The following EYS variants were observed in gnomAD, a reference collection of about 807,000 sequenced individuals.
EYS encodes the protein protein eyes shut homolog.
Under a neutral mutation model 282.1 loss-of-function variants are expected in EYS, and 250 were observed. The ratio of observed to expected loss-of-function variants is 0.89; its 90% CI spans 0.80 to 0.98. EYS has a LOEUF of 0.98. Ranked by LOEUF, EYS falls within the 50% of genes least tolerant of loss-of-function variation. EYS has a pLI of 0.00. For missense variants in EYS, 4,016 were observed against 3,709.0 expected (o/e 1.08, Z -2.15); for synonymous variants, 1,355 against 1,282.9 (o/e 1.06, Z -1.20).
At chr6:63,936,559 C>T (rs2149754797) in intron 35 of EYS, among the ~76,000 whole-genome samples, 1 of 152,294 alleles carries the variant, frequency 6.6e-6, no homozygotes, top group South Asian at 2.1e-4. Flanking sequence ...AGGCAATGTC[C>T]AGGCATGACC....
intron 31 of EYS, among the ~76,000 whole-genome samples, chr6:64,084,370 T>C (rs764172057): frequency 6.6e-6 from 1 of 152,168 alleles, no homozygotes; most frequent in Non-Finnish European, 1.5e-5. Context: ...CCCAAGGCTA[T>C]TGCAATAAGG....
rs940158314 is a variant in EYS at position 65,270,223 on chromosome 6, G to A, written c.2023+25640C>T. Among the ~76,000 whole-genome samples the A allele has an allele frequency of 3.9e-5, 6 of 152,144 alleles. No individual in the cohort carries two copies. In the East Asian group the frequency reaches 9.7e-4, roughly 24 times the overall value. On this transcript the variant is annotated intron_variant, in intron 12 of 42. Transcript: ENST00000503581. ...GGGAGAAATAGGAAAGAAGGAAGGG[G>A]TGATGGGTCTCAAGCAAGTTCAAAA... is the stretch of plus-strand genomic sequence containing the variant.
intron 26 of EYS, among the ~76,000 whole-genome samples, chr6:64,447,551 A>G (rs1167671025): frequency 1.3e-5 from 2 of 152,134 alleles, no homozygotes; most frequent in Non-Finnish European, 2.9e-5. Context: ...ATAGGTTCCC[A>G]CAAATTCATT....
intron 40 of EYS, among the ~76,000 whole-genome samples, chr6:63,768,691 G>A (rs894126059): frequency 2.0e-5 from 3 of 151,220 alleles, no homozygotes; most frequent in Admixed American, 6.6e-5. Context: ...AACTTAGAAC[G>A]ACCATTCAAC....
At chr6:64,833,743 A>C (rs1467535324) in intron 19 of EYS, among the ~76,000 whole-genome samples, 1 of 151,916 alleles carries the variant, frequency 6.6e-6, no homozygotes, top group Non-Finnish European at 1.5e-5. Flanking sequence ...ATATTTCCAC[A>C]TAAGGAAAGT....
chr6:64,536,281 C>G (rs1764516543), intron 26 of EYS, among the ~76,000 whole-genome samples: 1 of 152,010 alleles, frequency 6.6e-6, no homozygotes, highest in South Asian at 2.1e-4. Context: ...AGGGAAAAAA[C>G]AAGTAAAACA....
chr6:65,010,338 T>C (rs1771825879), intron 13 of EYS, among the ~76,000 whole-genome samples: 1 of 152,224 alleles, frequency 6.6e-6, no homozygotes, highest in Non-Finnish European at 1.5e-5. Flanking sequence ...AATGGCATAC[T>C]AACTGCTAAA....
intron 12 of EYS, among the ~76,000 whole-genome samples, chr6:65,091,317 G>A (rs1774556584): frequency 6.7e-6 from 1 of 150,012 alleles, no homozygotes. Context: ...GGACATGGTG[G>A]TAGGCACCTG....
chr6:65,223,404 A>G (rs1399066854), intron 12 of EYS, among the ~76,000 whole-genome samples: 1 of 152,056 alleles, frequency 6.6e-6, no homozygotes, highest in Non-Finnish European at 1.5e-5. Flanking sequence ...CAACAACAGA[A>G]ACTGCCAAAT....
intron 22 of EYS, among the ~76,000 whole-genome samples, chr6:64,716,439 A>G (rs905396546): frequency 1.3e-5 from 2 of 152,208 alleles, no homozygotes; most frequent in African/African-American, 4.8e-5. Context: ...TGTTATCAAC[A>G]TTGGTACACT....
chr6:65,107,474 C>T (rs2150186829), intron 12 of EYS, among the ~76,000 whole-genome samples: 1 of 139,744 alleles, frequency 7.2e-6, no homozygotes, highest in East Asian at 2.0e-4. Context: ...AATTGGCTCC[C>T]TTGGGGAAAC....
intron 12 of EYS, among the ~76,000 whole-genome samples, chr6:65,222,857 C>A (rs1443507450): frequency 1.3e-5 from 2 of 152,008 alleles, no homozygotes; most frequent in Non-Finnish European, 2.9e-5. Context: ...GTGGCACCAG[C>A]TTAAAGAACT....
In EYS at chr6:64,390,015, T is replaced by G. The variant is rs200526338; in HGVS notation, c.5928-1175A>C. 2.0e-5 allele frequency among the ~76,000 whole-genome samples: 3 copies of G among 147,632 alleles called. No homozygotes were observed. The East Asian group carries it at 6.1e-4, about 30-fold the overall frequency. ...CCGAGTCAAAGAAAGGGGTGATGGA[T>G]GGCACCTGGAAAATCGGGTCACTCC... On this transcript the variant is annotated intron_variant, in intron 28 of 42. Transcript: ENST00000503581.
intron 22 of EYS, among the ~76,000 whole-genome samples, chr6:64,629,613 G>A (rs1767716878): frequency 6.6e-6 from 1 of 151,934 alleles, no homozygotes; most frequent in African/African-American, 2.4e-5. Flanking sequence ...ATACCTAAAT[G>A]CTTCATTTTT....
At chr6:63,782,495 A>G (rs1309644086) in intron 39 of EYS, among the ~76,000 whole-genome samples, 1 of 152,232 alleles carries the variant, frequency 6.6e-6, no homozygotes, top group East Asian at 1.9e-4. Context: ...ATATGTGTCC[A>G]GGAATTTATC....
chr6:64,919,315 C>T (rs147990715), intron 15 of EYS, among the ~76,000 whole-genome samples: 352 of 152,008 alleles, frequency 2.3e-3, no homozygotes, highest in Admixed American at 3.5e-3. Flanking sequence ...GGGATTACAG[C>T]CCTGCCATCG....
At chr6:65,159,530 G>A (rs947800053) in intron 12 of EYS, among the ~76,000 whole-genome samples, 6 of 150,736 alleles carry the variant, frequency 4.0e-5, no homozygotes, top group African/African-American at 1.5e-4. Flanking sequence ...GTTTTTTTGA[G>A]CACACGTTCA....
At chr6:64,467,486 A>G (rs995752654) in intron 26 of EYS, among the ~76,000 whole-genome samples, 2 of 152,188 alleles carry the variant, frequency 1.3e-5, no homozygotes, top group Admixed American at 6.5e-5. Flanking sequence ...ATTCATCAAC[A>G]TGGTAAATTC....
At chr6:63,927,862 C>CA (rs2149748503) in intron 35 of EYS, among the ~76,000 whole-genome samples, 1 of 152,312 alleles carries the variant, frequency 6.6e-6, no homozygotes. Flanking sequence ...TTTTTATAGT[C>CA]ATGACTGTTG....
Sources: gnomAD v4.1 joint callset for allele counts (sites outside exome capture counted in the v4.1 genomes callset) on GRCh38, gnomAD v4.1.1 for gene constraint, MANE v1.5 for transcripts, NCBI Gene and HGNC (gene_info 2026-07-23, HGNC 2026-07-21) for gene names.